The following MAGI1 variants were observed in gnomAD, a reference collection of about 807,000 sequenced individuals.
MAGI1 encodes the protein membrane-associated guanylate kinase, WW and PDZ domain-containing protein 1.
A neutral mutation model predicts 139.9 loss-of-function variants in MAGI1; 58 were observed. The ratio of observed to expected loss-of-function variants is 0.41; its 90% CI spans 0.34 to 0.52. The LOEUF (loss-of-function observed/expected upper bound fraction) is 0.52. Among genes scored for constraint, MAGI1 ranks in the 20% least tolerant of loss-of-function variants. The pLI is 0.12. For missense variants in MAGI1, 1,874 were observed against 1,901.6 expected, an observed-to-expected ratio of 0.99 and a Z score of 0.27; for synonymous variants, 812 against 737.9, an observed-to-expected ratio of 1.10 and a Z score of -1.63.
intron 5 of MAGI1, among the ~76,000 whole-genome samples, chr3:65,461,608 C>T (rs532135048): frequency 7.9e-5 from 12 of 151,636 alleles, no homozygotes; most frequent in Non-Finnish European, 1.3e-4. Flanking sequence ...CCTGCCTCAG[C>T]CTCCCGAGTA....
intron 2 of MAGI1, among the ~76,000 whole-genome samples, chr3:65,597,153 C>A (rs1359910918): frequency 2.0e-5 from 3 of 151,966 alleles, no homozygotes; most frequent in African/African-American, 7.3e-5. Flanking sequence ...TTAATATGCA[C>A]GGGGACGTAC....
In MAGI1 at chr3:65,472,469, C is replaced by T. The variant is rs778056415; in HGVS notation, c.758-1985G>A. ...TAACTACATTTTAAAGACAAAGACA[C>T]TAAGAGTTCTCCCATGAACTAAAAG... is the stretch of plus-strand genomic sequence containing the variant. On this transcript the variant is annotated intron_variant, in intron 4 of 22. Coordinates refer to ENST00000402939, the MANE Select transcript of MAGI1 (RefSeq NM_001033057.2). Among the ~76,000 whole-genome samples, 5 of 152,288 alleles carry T rather than the reference C, an allele frequency of 3.3e-5. No individual in the cohort carries two copies. The South Asian group carries it at 1.0e-3, about 32-fold the overall frequency.
chr3:65,584,620 C>T (rs571829251), intron 2 of MAGI1, among the ~76,000 whole-genome samples: 2 of 152,288 alleles, frequency 1.3e-5, no homozygotes, highest in Admixed American at 6.5e-5. Context: ...AACACATCCT[C>T]ACATCTTTAT....
chr3:65,753,159 G>C lies in MAGI1; in HGVS notation c.314-131071C>G, dbSNP rs567096042. ...GGCAGAGACCGAGATGAGAAAATCT[G>C]GGAAGATCTGTATATCCTGAACTGA... On this transcript the variant is annotated intron_variant, in intron 1 of 22. Transcript: ENST00000402939. 4.6e-5 allele frequency among the ~76,000 whole-genome samples: 7 copies of C among 152,202 alleles called. No homozygotes were observed. The East Asian group carries it at 1.4e-3, about 29-fold the overall frequency.
At chr3:65,875,669 T>C (rs892860402) in intron 1 of MAGI1, among the ~76,000 whole-genome samples, 7 of 152,322 alleles carry the variant, frequency 4.6e-5, no homozygotes, top group African/African-American at 1.7e-4. Context: ...GGTCATACTG[T>C]AGTTCCCTTC....
intron 1 of MAGI1, among the ~76,000 whole-genome samples, chr3:65,970,537 A>G (rs77321411): frequency 6.7e-6 from 1 of 149,964 alleles, no homozygotes; most frequent in African/African-American, 2.4e-5. Flanking sequence ...AAAAAAAAAA[A>G]GAATCAAGAA....
intron 1 of MAGI1, among the ~76,000 whole-genome samples, chr3:65,960,876 T>G (rs2064388270): frequency 6.6e-6 from 1 of 152,198 alleles, no homozygotes; most frequent in African/African-American, 2.4e-5. Context: ...AATACCCCAG[T>G]TAAATAGATT....
chr3:65,564,132 C>T (rs1046439847), intron 2 of MAGI1, among the ~76,000 whole-genome samples: 5 of 152,102 alleles, frequency 3.3e-5, no homozygotes, highest in African/African-American at 4.8e-5. Context: ...TTCTCAAAGC[C>T]GTCCTCCTGA....
chr3:65,504,601 T>C (rs2077206120), intron 2 of MAGI1, among the ~76,000 whole-genome samples: 1 of 152,146 alleles, frequency 6.6e-6, no homozygotes, highest in African/African-American at 2.4e-5. Context: ...CAGCTGAATT[T>C]CCACAGCTCT....
intron 1 of MAGI1, among the ~76,000 whole-genome samples, chr3:65,789,108 G>C (rs13063477): frequency 1.3e-5 from 2 of 152,050 alleles, no homozygotes; most frequent in Non-Finnish European, 2.9e-5. Context: ...TGGGGCCTAG[G>C]AGGTGGAGGC....
At chr3:65,417,791 C>T (rs1946337664) in intron 12 of MAGI1, among the ~76,000 whole-genome samples, 1 of 152,044 alleles carries the variant, frequency 6.6e-6, no homozygotes. Context: ...ATTGTTGGCT[C>T]CAGCTAAATG....
intron 2 of MAGI1, among the ~76,000 whole-genome samples, chr3:65,551,714 A>G (rs2079843807): frequency 6.6e-6 from 1 of 152,260 alleles, no homozygotes; most frequent in South Asian, 2.1e-4. Flanking sequence ...ACATAATACT[A>G]GAATGATTTT....
At chr3:65,439,807 C>T (rs1204873159) in intron 9 of MAGI1, 72 bp downstream of exon 9, 56 of 1,598,398 alleles carry the variant, frequency 3.5e-5, no homozygotes, top group Admixed American at 1.3e-4. Context: ...TCTGACCACA[C>T]GAGGGTGTCA....
chr3:65,763,752 T>TAA, intron 1 of MAGI1, among the ~76,000 whole-genome samples: 1 of 143,548 alleles, frequency 7.0e-6, no homozygotes, highest in African/African-American at 2.5e-5. Flanking sequence ...CAAGTGCTTT[T>TAA]AAAAAAAAAA....
At chr3:65,505,275 T>G (rs2077235435) in intron 2 of MAGI1, among the ~76,000 whole-genome samples, 1 of 152,146 alleles carries the variant, frequency 6.6e-6, no homozygotes, top group Non-Finnish European at 1.5e-5. Flanking sequence ...AGAAAATAAT[T>G]ATTTTGGTGA....
intron 1 of MAGI1, among the ~76,000 whole-genome samples, chr3:65,800,722 A>T (rs1047012698): frequency 6.6e-6 from 1 of 152,220 alleles, no homozygotes; most frequent in African/African-American, 2.4e-5. Context: ...AAAATAAAAT[A>T]AAATTTTTAA....
chr3:65,509,595 AC>A (rs931486396), intron 2 of MAGI1, among the ~76,000 whole-genome samples: 1 of 152,162 alleles, frequency 6.6e-6, no homozygotes, highest in African/African-American at 2.4e-5. Context: ...CGCTTTTCAG[AC>A]CGGCTTAAAA....
chr3:65,656,815 T>C (rs1221752858), intron 1 of MAGI1, among the ~76,000 whole-genome samples: 1 of 151,646 alleles, frequency 6.6e-6, no homozygotes, highest in Non-Finnish European at 1.5e-5. Context: ...TTGGCCAACA[T>C]GGTGAAACCC....
intron 2 of MAGI1, among the ~76,000 whole-genome samples, chr3:65,529,492 T>G (rs1345717452): frequency 6.6e-6 from 1 of 152,216 alleles, no homozygotes. Context: ...ATGTTTCTTA[T>G]AGTGAAACGT....
Sources: allele counts gnomAD v4.1 joint callset (sites outside exome capture counted in the v4.1 genomes callset), GRCh38; gene constraint gnomAD v4.1.1; transcripts MANE v1.5; gene names NCBI Gene and HGNC (gene_info 2026-07-23, HGNC 2026-07-21).